The following FUT9 variants were observed in gnomAD, a reference collection of about 807,000 sequenced individuals.
The protein encoded by FUT9 is fucosyltransferase 9, also known as 4-galactosyl-N-acetylglucosaminide 3-alpha-L-fucosyltransferase 9.
FUT9 carries 15 observed loss-of-function variants against 29.7 expected under a neutral mutation model. The observed-to-expected ratio is 0.51, with a 90% CI of 0.34 to 0.78. The LOEUF is 0.78. Ranked by LOEUF, FUT9 falls within the 30% of genes least tolerant of loss-of-function variation. FUT9 has a pLI of 0.01. For missense variants in FUT9, 319 were observed against 425.4 expected (o/e 0.75, Z 2.20); for synonymous variants, 169 against 153.7 (o/e 1.10, Z -0.74).
At chr6:96,174,238 C>T (rs1042534940) in intron 2 of FUT9, among the ~76,000 whole-genome samples, 6 of 152,128 alleles carry the variant, frequency 3.9e-5, no homozygotes, top group African/African-American at 1.4e-4. Context: ...CCTAACAATT[C>T]CAGCTTTGTA....
At chr6:96,029,128 T>A (rs1192092265) in intron 1 of FUT9, among the ~76,000 whole-genome samples, 4 of 151,538 alleles carry the variant, frequency 2.6e-5, no homozygotes, top group African/African-American at 9.7e-5. Context: ...GGGGATAGTG[T>A]CATATGTGGC....
intron 2 of FUT9, among the ~76,000 whole-genome samples, chr6:96,195,276 G>C (rs2127989664): frequency 6.6e-6 from 1 of 152,258 alleles, no homozygotes; most frequent in East Asian, 1.9e-4. Flanking sequence ...ATTATTACCA[G>C]AGAGAGTTCT....
intron 1 of FUT9, among the ~76,000 whole-genome samples, chr6:96,108,669 T>C (rs1005004892): frequency 6.6e-6 from 1 of 152,112 alleles, no homozygotes; most frequent in Non-Finnish European, 1.5e-5. Flanking sequence ...ATGATATTAG[T>C]CCTAAAATGA....
chr6:96,042,562 A>G (rs1211078565), intron 1 of FUT9, among the ~76,000 whole-genome samples: 1 of 152,170 alleles, frequency 6.6e-6, no homozygotes, highest in Non-Finnish European at 1.5e-5. Flanking sequence ...CTTCCCCTGT[A>G]TACTCCAGCA....
chr6:96,028,857 G>C (rs1770212542), intron 1 of FUT9, among the ~76,000 whole-genome samples: 1 of 151,492 alleles, frequency 6.6e-6, no homozygotes, highest in South Asian at 2.1e-4. Context: ...TAGAAAAGAA[G>C]TTATCTATTT....
At chr6:96,105,773 A>T (rs1771668068) in intron 1 of FUT9, among the ~76,000 whole-genome samples, 1 of 152,186 alleles carries the variant, frequency 6.6e-6, no homozygotes. Context: ...TTTTCACAGC[A>T]TGATTCCCAA....
chr6:96,166,727 C>T (rs909439030), intron 2 of FUT9, among the ~76,000 whole-genome samples: 8 of 152,012 alleles, frequency 5.3e-5, no homozygotes, highest in Non-Finnish European at 1.2e-4. Context: ...AAGGATCTCC[C>T]ACTGATATAA....
intron 2 of FUT9, among the ~76,000 whole-genome samples, chr6:96,142,154 T>C (rs1292740202): frequency 2.6e-5 from 4 of 152,294 alleles, no homozygotes; most frequent in African/African-American, 4.8e-5. Flanking sequence ...TATAGAAATA[T>C]GGCAAAGAAA....
chr6:96,077,427 G>A (rs768175601), intron 1 of FUT9, among the ~76,000 whole-genome samples: 11 of 151,936 alleles, frequency 7.2e-5, no homozygotes, highest in African/African-American at 1.7e-4. Context: ...GGTTTTCTAC[G>A]TAACTGTTCC....
Position 96,016,136 on chromosome 6 carries a change from C to G in FUT9, c.-174C>G, listed in dbSNP as rs1047259968. 6.5e-6 allele frequency: 1 copy of G among 154,902 alleles called. No individual in the cohort carries two copies. Among genetic ancestry groups the G allele is most frequent in the Non-Finnish European group, 1.4e-5 (1 of 70,268 alleles). The allele number at this position is 154,902 out of a possible 1,614,324, so 9.6% of individuals were successfully genotyped here. On this transcript the variant is annotated 5_prime_UTR_variant, in exon 1 of 3. Transcript: ENST00000302103. ...CGCGCTCTTAGGACAGCGCCGCCAC[C>G]GCCGCCTGGCCCTGCCTGCCTCCTG...
intron 1 of FUT9, among the ~76,000 whole-genome samples, chr6:96,060,965 C>G (rs773269003): frequency 2.6e-5 from 4 of 152,006 alleles, no homozygotes; most frequent in Non-Finnish European, 4.4e-5. Flanking sequence ...AATCTGTTGC[C>G]ATTTTAGTTA....
At chr6:96,092,262 C>T (rs1385045746) in intron 1 of FUT9, among the ~76,000 whole-genome samples, 1 of 151,962 alleles carries the variant, frequency 6.6e-6, no homozygotes, top group Non-Finnish European at 1.5e-5. Context: ...ATGGGAATAT[C>T]CCTGAAACAT....
At chr6:96,194,896 C>T (rs1439557675) in intron 2 of FUT9, among the ~76,000 whole-genome samples, 1 of 152,042 alleles carries the variant, frequency 6.6e-6, no homozygotes, top group African/African-American at 2.4e-5. Flanking sequence ...GGAGCATGAG[C>T]CAGGTTACAT....
intron 2 of FUT9, among the ~76,000 whole-genome samples, chr6:96,145,612 A>T (rs1268070210): frequency 6.6e-6 from 1 of 152,172 alleles, no homozygotes; most frequent in African/African-American, 2.4e-5. Context: ...AGAATGGTCA[A>T]AGAAGGCCTC....
chr6:96,100,657 T>A (rs762626637), intron 1 of FUT9, among the ~76,000 whole-genome samples: 10 of 152,120 alleles, frequency 6.6e-5, no homozygotes, highest in Admixed American at 1.3e-4. Context: ...GGAGTGATGA[T>A]CGATAAGCCA....
At chr6:96,022,822 C>T (rs1009037901) in intron 1 of FUT9, among the ~76,000 whole-genome samples, 2 of 151,824 alleles carry the variant, frequency 1.3e-5, no homozygotes, top group Admixed American at 1.3e-4. Context: ...TTGACAAGAG[C>T]CCAGTAGCAA....
At chr6:96,113,302 G>C (rs1365837815) in intron 1 of FUT9, among the ~76,000 whole-genome samples, 1 of 151,624 alleles carries the variant, frequency 6.6e-6, no homozygotes, top group African/African-American at 2.4e-5. Context: ...GCAGTGGTGT[G>C]ATCTCGGATC....
At chr6:96,069,699 T>C (rs1771025360) in intron 1 of FUT9, among the ~76,000 whole-genome samples, 1 of 152,010 alleles carries the variant, frequency 6.6e-6, no homozygotes, top group Non-Finnish European at 1.5e-5. Context: ...TGGTGCGATC[T>C]TGGCTCACTG....
intron 1 of FUT9, among the ~76,000 whole-genome samples, chr6:96,052,297 CAGGTGACATTTG>C (rs145549620): frequency 0.033 from 5,010 of 152,152 alleles, 295 homozygotes; most frequent in African/African-American, 0.11. Context: ...ATTATAATTC[CAGGTGACATTTG>C]AGTGGTGACA....
Sources: allele counts gnomAD v4.1 joint callset (sites outside exome capture counted in the v4.1 genomes callset), GRCh38; gene constraint gnomAD v4.1.1; transcripts MANE v1.5; gene names NCBI Gene and HGNC (gene_info 2026-07-23, HGNC 2026-07-21).